Variants in FARS2 observed in about 807,000 individuals in gnomAD.
The protein encoded by FARS2 is phenylalanyl-tRNA synthetase 2, mitochondrial.
Under a neutral mutation model 46.4 loss-of-function variants are expected in FARS2, and 40 were observed. That is an observed-to-expected ratio of 0.86 (90% CI 0.67 to 1.12). The LOEUF (loss-of-function observed/expected upper bound fraction) is 1.12, where lower values mean the gene tolerates loss of function less well. FARS2 is among the 50% of genes most tolerant of loss of function. The probability of loss-of-function intolerance (pLI) is 0.00; values close to 1 mark genes in which losing one functional copy is unlikely to be tolerated. For synonymous variants in FARS2, 234 were observed against 214.9 expected, an observed-to-expected ratio of 1.09 and a Z score of -0.78; for missense variants, 513 against 567.9, an observed-to-expected ratio of 0.90 and a Z score of 0.98.
chr6:5,341,944 A>C lies in FARS2; in HGVS notation c.-21-26606A>C, dbSNP rs537179035. Among the ~76,000 whole-genome samples, 211 of 152,366 alleles carry C rather than the reference A, an allele frequency of 1.4e-3. 1 individual carries two copies. The highest frequency in any genetic ancestry group is 2.1e-3 in the Admixed American group (32 of 15,306). On this transcript the variant is annotated intron_variant, in intron 1 of 6. Coordinates refer to ENST00000274680, the MANE Select transcript of FARS2 (RefSeq NM_006567.5). ...AAAAATGAGATAGGTAATATAAGCC[A>C]GTTCAAATTACAGTGGAAGTAAGAA...
rs78520545 is a variant in FARS2 at position 5,495,088 on chromosome 6, T to C, written c.905-50092T>C. Among the ~76,000 whole-genome samples the C allele has an allele frequency of 1.8e-3, 273 of 152,360 alleles. 1 individual carries two copies. The highest frequency in any genetic ancestry group is 6.3e-3 in the African/African-American group (263 of 41,588). On this transcript the variant is annotated intron_variant, in intron 4 of 6. Transcript: ENST00000274680. ...GAGCAGAGAACTTTGTTGTTTTCCC[T>C]CCTTCCCTCTCATTGCCTTCATTTT...
At chr6:5,684,803 C>T (rs1391439470) in intron 6 of FARS2, among the ~76,000 whole-genome samples, 1 of 152,072 alleles carries the variant, frequency 6.6e-6, no homozygotes, top group Non-Finnish European at 1.5e-5. Context: ...TAACAGGAGC[C>T]GAATTCTATT....
At chr6:5,310,048 T>A (rs1281290842) in intron 1 of FARS2, among the ~76,000 whole-genome samples, 1 of 152,166 alleles carries the variant, frequency 6.6e-6, no homozygotes, top group African/African-American at 2.4e-5. Context: ...ACAAAATAAT[T>A]GTTCAAAAAT....
intron 6 of FARS2, among the ~76,000 whole-genome samples, chr6:5,743,962 C>T (rs963334780): frequency 1.3e-5 from 2 of 152,198 alleles, no homozygotes. Context: ...CCTGTCTTAC[C>T]TCTTATATAG....
chr6:5,510,553 G>T (rs376620024), intron 4 of FARS2, among the ~76,000 whole-genome samples: 5 of 152,238 alleles, frequency 3.3e-5, no homozygotes, highest in East Asian at 3.9e-4. Context: ...TGGGCACACG[G>T]TGCCTTTTGA....
chr6:5,621,356 G>A (rs762872699), intron 6 of FARS2, among the ~76,000 whole-genome samples: 1 of 151,844 alleles, frequency 6.6e-6, no homozygotes, highest in Admixed American at 6.6e-5. Flanking sequence ...CTCCTAAAAT[G>A]TTGGGATTAC....
intron 4 of FARS2, among the ~76,000 whole-genome samples, chr6:5,487,446 G>T (rs897870109): frequency 2.6e-5 from 4 of 152,176 alleles, no homozygotes; most frequent in African/African-American, 9.7e-5. Flanking sequence ...CATGTGGCAG[G>T]TACCAAGGTC....
chr6:5,294,191 T>G (rs1286534094), intron 1 of FARS2, among the ~76,000 whole-genome samples: 1 of 152,208 alleles, frequency 6.6e-6, no homozygotes, highest in Non-Finnish European at 1.5e-5. Flanking sequence ...ATTTGGGGTC[T>G]TCTTGATGAT....
chr6:5,526,494 G>C (rs768190432), intron 4 of FARS2, among the ~76,000 whole-genome samples: 1 of 152,042 alleles, frequency 6.6e-6, no homozygotes. Context: ...TCCTTTCCTG[G>C]TTAAAAAATT....
At chr6:5,747,861 A>G (rs1204527599) in intron 6 of FARS2, among the ~76,000 whole-genome samples, 1 of 152,204 alleles carries the variant, frequency 6.6e-6, no homozygotes, top group African/African-American at 2.4e-5. Flanking sequence ...TATACACCCA[A>G]GATGCTTCTC....
chr6:5,712,682 C>T (rs2064110), intron 6 of FARS2, among the ~76,000 whole-genome samples: 72,136 of 152,110 alleles, frequency 0.47, 17,585 homozygotes, highest in African/African-American at 0.56. Context: ...AAGCCTGCAG[C>T]CTTTCTGCTG....
At chr6:5,689,394 T>C (rs1757510384) in intron 6 of FARS2, among the ~76,000 whole-genome samples, 1 of 152,204 alleles carries the variant, frequency 6.6e-6, no homozygotes, top group Non-Finnish European at 1.5e-5. Context: ...TTCTGGTATG[T>C]TGTGTCTTTG....
At chr6:5,427,852 A>G (rs900664617) in intron 3 of FARS2, among the ~76,000 whole-genome samples, 1 of 152,234 alleles carries the variant, frequency 6.6e-6, no homozygotes, top group Non-Finnish European at 1.5e-5. Context: ...TTGATAAAAC[A>G]TATTTTATCT....
chr6:5,437,461 G>C (rs1763588113), intron 4 of FARS2, among the ~76,000 whole-genome samples: 1 of 152,098 alleles, frequency 6.6e-6, no homozygotes, highest in South Asian at 2.1e-4. Flanking sequence ...TTTCTACTAT[G>C]ATTATGGACT....
chr6:5,512,228 G>C (rs922135186), intron 4 of FARS2, among the ~76,000 whole-genome samples: 2 of 152,074 alleles, frequency 1.3e-5, no homozygotes, highest in African/African-American at 4.8e-5. Flanking sequence ...TTCTGATTCA[G>C]CTGAATTCAG....
At chr6:5,632,188 TC>T (rs1367718102) in intron 6 of FARS2, among the ~76,000 whole-genome samples, 1 of 152,112 alleles carries the variant, frequency 6.6e-6, no homozygotes, top group Non-Finnish European at 1.5e-5. Flanking sequence ...GAAAAATAGA[TC>T]CAAAAAATTC....
chr6:5,721,569 T>C (rs1017031282), intron 6 of FARS2, among the ~76,000 whole-genome samples: 9 of 152,192 alleles, frequency 5.9e-5, no homozygotes, highest in African/African-American at 1.9e-4. Context: ...ATTAGAAATA[T>C]TGGTTCAGTG....
intron 4 of FARS2, among the ~76,000 whole-genome samples, chr6:5,488,536 C>G (rs1226086949): frequency 6.6e-6 from 1 of 152,026 alleles, no homozygotes; most frequent in African/African-American, 2.4e-5. Context: ...CCTGTTCATG[C>G]TCAAATGAAT....
At chr6:5,302,054 C>G (rs1753359605) in intron 1 of FARS2, among the ~76,000 whole-genome samples, 1 of 152,102 alleles carries the variant, frequency 6.6e-6, no homozygotes, top group Non-Finnish European at 1.5e-5. Context: ...CCAGTCATGC[C>G]CACCTACCCT....
Sources: allele counts gnomAD v4.1 joint callset (sites outside exome capture counted in the v4.1 genomes callset), GRCh38; gene constraint gnomAD v4.1.1; transcripts MANE v1.5; gene names NCBI Gene and HGNC (gene_info 2026-07-23, HGNC 2026-07-21).